Variants in PLS1 observed in about 807,000 individuals in gnomAD.
PLS1 encodes the protein plastin-1.
In PLS1, 32 loss-of-function variants were observed where a neutral mutation model predicts 73.7. The ratio of observed to expected loss-of-function variants is 0.43; its 90% CI spans 0.33 to 0.58. PLS1 has a LOEUF of 0.58. Ranked by LOEUF, PLS1 falls within the 20% of genes least tolerant of loss-of-function variation. The pLI, the probability that PLS1 is intolerant of heterozygous loss-of-function variation, is 0.04. For synonymous variants in PLS1, 217 were observed against 261.3 expected, an observed-to-expected ratio of 0.83 and a Z score of 1.63; for missense variants, 633 against 740.5, an observed-to-expected ratio of 0.85 and a Z score of 1.68.
intron 10 of PLS1, among the ~76,000 whole-genome samples, chr3:142,691,301 T>C (rs748336964): frequency 1.3e-5 from 2 of 151,724 alleles, no homozygotes; most frequent in South Asian, 4.2e-4. Flanking sequence ...AGAGGGAAAA[T>C]AGACAAAAAA....
At chr3:142,618,998 T>C (rs548763138) in intron 1 of PLS1, among the ~76,000 whole-genome samples, 1 of 152,318 alleles carries the variant, frequency 6.6e-6, no homozygotes, top group African/African-American at 2.4e-5. Flanking sequence ...GTTGTCTGCC[T>C]CTGTTGACAA....
intron 1 of PLS1, among the ~76,000 whole-genome samples, chr3:142,612,406 A>G (rs749905902): frequency 1.3e-5 from 2 of 152,226 alleles, no homozygotes; most frequent in Admixed American, 6.5e-5. Context: ...TATATGTGAT[A>G]AGTGATGTGA....
chr3:142,685,505 C>T (rs2107895002), intron 8 of PLS1, among the ~76,000 whole-genome samples: 2 of 152,310 alleles, frequency 1.3e-5, no homozygotes, highest in South Asian at 4.1e-4. Context: ...TTACATTCAG[C>T]TGTCAGTTGG....
intron 12 of PLS1, among the ~76,000 whole-genome samples, chr3:142,701,424 G>A (rs750721097): frequency 6.6e-6 from 1 of 152,132 alleles, no homozygotes; most frequent in Non-Finnish European, 1.5e-5. Flanking sequence ...TTTGAGTATT[G>A]TGTTGGTGCT....
chr3:142,685,661 AAGAGAG>A (rs1310360693), intron 8 of PLS1, among the ~76,000 whole-genome samples: 1 of 152,188 alleles, frequency 6.6e-6, no homozygotes, highest in Non-Finnish European at 1.5e-5. Flanking sequence ...GGTTAACTTT[AAGAGAG>A]AGGAAGCAGA....
At chr3:142,660,369 C>A (rs905384776) in intron 1 of PLS1, among the ~76,000 whole-genome samples, 1 of 152,104 alleles carries the variant, frequency 6.6e-6, no homozygotes, top group African/African-American at 2.4e-5. Context: ...TTCCAATAAA[C>A]CCGTCCTAAG....
At chr3:142,651,651 C>T (rs1466041865) in intron 1 of PLS1, among the ~76,000 whole-genome samples, 1 of 151,988 alleles carries the variant, frequency 6.6e-6, no homozygotes, top group African/African-American at 2.4e-5. Flanking sequence ...TAAAGAAACA[C>T]ACAGCATTTC....
intron 1 of PLS1, among the ~76,000 whole-genome samples, chr3:142,630,938 A>AACACACACACACACACACAC (rs140962182): frequency 0.011 from 1,556 of 137,398 alleles, 52 homozygotes; most frequent in African/African-American, 0.04. Context: ...CATGTAAATA[A>AACACACACACACACACACAC]ACACACACAC....
At chr3:142,695,842 T>C (rs375140560) in intron 11 of PLS1, among the ~76,000 whole-genome samples, 139 of 152,220 alleles carry the variant, frequency 9.1e-4, no homozygotes, top group African/African-American at 3.2e-3. Flanking sequence ...TTGCCCAGGC[T>C]GGAGTGCAAT....
chr3:142,635,453 A>T (rs911295969), intron 1 of PLS1, among the ~76,000 whole-genome samples: 17 of 140,240 alleles, frequency 1.2e-4, no homozygotes, highest in Middle Eastern at 3.7e-3. Flanking sequence ...AAAAAAAAAA[A>T]TTAGCTGGGC....
chr3:142,637,971 A>G (rs971201989), intron 1 of PLS1, among the ~76,000 whole-genome samples: 1 of 152,064 alleles, frequency 6.6e-6, no homozygotes, highest in Admixed American at 6.6e-5. Flanking sequence ...CTCTCGAAGA[A>G]GCTAGCCAGC....
At chr3:142,655,313 G>T (rs890447792) in intron 1 of PLS1, among the ~76,000 whole-genome samples, 1 of 152,138 alleles carries the variant, frequency 6.6e-6, no homozygotes, top group Non-Finnish European at 1.5e-5. Context: ...TGGCAATGTG[G>T]GGTATAATGA....
intron 1 of PLS1, among the ~76,000 whole-genome samples, chr3:142,612,604 C>G (rs1180691297): frequency 2.0e-5 from 3 of 151,974 alleles, no homozygotes; most frequent in African/African-American, 7.3e-5. Context: ...TTCCCTTCAC[C>G]AGCCAGTTGT....
At chr3:142,632,330 TC>T (rs1451857364) in intron 1 of PLS1, among the ~76,000 whole-genome samples, 1 of 152,152 alleles carries the variant, frequency 6.6e-6, no homozygotes, top group Non-Finnish European at 1.5e-5. Context: ...TTGAAGAACA[TC>T]TGTATTCATA....
intron 14 of PLS1, among the ~76,000 whole-genome samples, chr3:142,705,287 T>G (rs958697253): frequency 3.9e-5 from 6 of 152,164 alleles, no homozygotes; most frequent in Non-Finnish European, 7.3e-5. Flanking sequence ...AGAATTGTAT[T>G]GACATCATTT....
intron 1 of PLS1, among the ~76,000 whole-genome samples, chr3:142,630,977 A>T (rs1248550267): frequency 1.3e-5 from 2 of 152,116 alleles, no homozygotes; most frequent in East Asian, 3.9e-4. Flanking sequence ...ACACACATAG[A>T]GGGAGAGTCA....
chr3:142,702,334 T>G (rs972574736), intron 12 of PLS1, among the ~76,000 whole-genome samples: 1 of 152,226 alleles, frequency 6.6e-6, no homozygotes, highest in Non-Finnish European at 1.5e-5. Context: ...TTGTAGTAAA[T>G]TGAACTTTGG....
chr3:142,625,432 C>T (rs1416864784), intron 1 of PLS1, among the ~76,000 whole-genome samples: 1 of 152,032 alleles, frequency 6.6e-6, no homozygotes, highest in African/African-American at 2.4e-5. Flanking sequence ...ACAGGAAAAA[C>T]AAGGTGCTGT....
At chr3:142,704,364 C>A in intron 13 of PLS1, 99 bp from the exon 14 acceptor site, 2 of 927,250 alleles carry the variant, frequency 2.2e-6, no homozygotes, top group Non-Finnish European at 3.2e-6. Context: ...TTTATTAGAA[C>A]TGAACTATTT....
Sources: gnomAD v4.1 joint callset for allele counts (sites outside exome capture counted in the v4.1 genomes callset) on GRCh38, gnomAD v4.1.1 for gene constraint, MANE v1.5 for transcripts, NCBI Gene and HGNC (gene_info 2026-07-23, HGNC 2026-07-21) for gene names.